Variants in STK32C observed in about 807,000 individuals in gnomAD.
STK32C encodes the protein serine/threonine-protein kinase 32C.
A neutral mutation model predicts 56.5 loss-of-function variants in STK32C; 31 were observed. That is an observed-to-expected ratio of 0.55 (90% CI 0.41 to 0.74). The LOEUF (loss-of-function observed/expected upper bound fraction) is 0.74, where lower values mean the gene tolerates loss of function less well. Ranked by LOEUF, STK32C falls within the 30% of genes least tolerant of loss-of-function variation. STK32C has a pLI of 0.00. For missense variants in STK32C, 544 were observed against 676.9 expected (o/e 0.80, Z 2.18); for synonymous variants, 309 against 289.4 (o/e 1.07, Z -0.69).
At chr10:132,226,532 C>G (rs1184749670) in intron 4 of STK32C, among the ~76,000 whole-genome samples, 1 of 152,174 alleles carries the variant, frequency 6.6e-6, no homozygotes, top group Non-Finnish European at 1.5e-5. Flanking sequence ...GTGGTCTGTC[C>G]ACCAGGGCTA....
At chr10:132,276,295 G>A (rs963690556) in intron 1 of STK32C, among the ~76,000 whole-genome samples, 5 of 152,284 alleles carry the variant, frequency 3.3e-5, no homozygotes, top group Admixed American at 6.5e-5. Flanking sequence ...GTCTGGGATC[G>A]GCTGGCATCA....
intron 10 of STK32C, among the ~76,000 whole-genome samples, chr10:132,215,047 GTC>G (rs1217677068): frequency 1.3e-5 from 2 of 152,304 alleles, no homozygotes; most frequent in East Asian, 3.9e-4. Flanking sequence ...AAGACAGCGT[GTC>G]TCTCTGTTAC....
intron 1 of STK32C, among the ~76,000 whole-genome samples, chr10:132,249,940 C>T (rs374539265): frequency 2.2e-4 from 33 of 152,358 alleles, no homozygotes; most frequent in African/African-American, 7.5e-4. Context: ...CATTCCAGCA[C>T]TCAGCGGAGG....
At chr10:132,222,548 C>T (rs945478290) in intron 10 of STK32C, 93 bp downstream of exon 10, 26 of 1,482,226 alleles carry the variant, frequency 1.8e-5, no homozygotes, top group Non-Finnish European at 2.1e-5. Flanking sequence ...GAGACGTGTG[C>T]GCTGCCAGGG....
In STK32C at chr10:132,255,975, CG is replaced by C. The variant is rs2064107650; in HGVS notation, c.263-10021del. Among the ~76,000 whole-genome samples the C allele has an allele frequency of 6.6e-6, 1 of 152,220 alleles. No homozygotes were observed. Among genetic ancestry groups the C allele is most frequent in the Non-Finnish European group, 1.5e-5 (1 of 68,030 alleles). On this transcript the variant is annotated intron_variant, in intron 1 of 11. Coordinates refer to ENST00000298630, the MANE Select transcript of STK32C (RefSeq NM_173575.4). This position sits in a 1 kb window ranked among gnomAD's most constrained non-coding sequence, Gnocchi z 4.6. ...CCCTGGTGTCCAGCTTGGACTCGCC[CG>C]GGTGGCTTGGCGGCTTCCCGGCATC...
At chr10:132,237,053 C>A (rs1424116099) in intron 2 of STK32C, among the ~76,000 whole-genome samples, 1 of 152,242 alleles carries the variant, frequency 6.6e-6, no homozygotes, top group Non-Finnish European at 1.5e-5. Context: ...CTCAGGGACC[C>A]ACACGGGTGG....
At chr10:132,225,168 A>G in intron 7 of STK32C, 65 bp downstream of exon 7, 1 of 1,368,974 alleles carries the variant, frequency 7.3e-7, no homozygotes, top group Non-Finnish European at 1.0e-6. Context: ...CCCCCTCCCC[A>G]GCACTGGTGG....
At chr10:132,256,989 A>G (rs141038970) in intron 1 of STK32C, among the ~76,000 whole-genome samples, 2 of 152,286 alleles carry the variant, frequency 1.3e-5, no homozygotes, top group African/African-American at 4.8e-5. Context: ...GCCCAGTGGG[A>G]TCCCAGGGCT....
At chr10:132,310,109 G>A (rs1004866819), upstream of STK32C, among the ~76,000 whole-genome samples, 1 of 152,216 alleles carries the variant, frequency 6.6e-6, no homozygotes, top group African/African-American at 2.4e-5. The surrounding 1 kb of genome is among the most constrained non-coding windows in gnomAD (Gnocchi z 4.6). Context: ...TTGACCTAGG[G>A]ATACCAAGTC....
rs1339484311 is a variant in STK32C, at chr10:132,207,850, C to T, written c.*160G>A. 5.7e-6 allele frequency: 5 copies of T among 884,732 alleles called. No individual in the cohort carries two copies. Among genetic ancestry groups the T allele is most frequent in the East Asian group, 6.6e-5 (2 of 30,148 alleles). The allele number at this position is 884,732 out of a possible 1,614,324, so 54.8% of individuals were successfully genotyped here. A position where few individuals can be genotyped will look rare whatever the true frequency, so the allele number is the denominator to read the frequency against. On this transcript the variant is annotated 3_prime_UTR_variant, in exon 12 of 12. Transcript: ENST00000298630. Reference sequence around the variant, plus strand: ...TGCACCCACAGCCTCTTGTCCCCTGCACCACCACGAGCCTGAGGTGTGAAA... The same window carrying T: ...TGCACCCACAGCCTCTTGTCCCCTGTACCACCACGAGCCTGAGGTGTGAAA...
intron 1 of STK32C, among the ~76,000 whole-genome samples, chr10:132,267,021 GC>G (rs1241385714): frequency 1.3e-5 from 2 of 152,164 alleles, no homozygotes; most frequent in Non-Finnish European, 2.9e-5. Context: ...TGAGCGGGCA[GC>G]CCCCGCCCAC....
intron 1 of STK32C, among the ~76,000 whole-genome samples, chr10:132,292,783 C>T (rs1293339194): frequency 6.6e-6 from 1 of 152,034 alleles, no homozygotes; most frequent in Non-Finnish European, 1.5e-5. Context: ...TGACACCATC[C>T]CCTGGAGCTC....
chr10:132,211,901 G>A (rs971676837), intron 10 of STK32C, among the ~76,000 whole-genome samples: 3 of 152,046 alleles, frequency 2.0e-5, no homozygotes, highest in Non-Finnish European at 4.4e-5. Context: ...CGAGAAGGGC[G>A]GGGGTCTCTC....
intron 10 of STK32C, among the ~76,000 whole-genome samples, chr10:132,221,886 TATCA>T (rs2062678272): frequency 1.2e-5 from 1 of 85,378 alleles, no homozygotes; most frequent in Admixed American, 1.2e-4. Context: ...ACACAACTAA[TATCA>T]ACGCACCTGG....
intron 1 of STK32C, among the ~76,000 whole-genome samples, chr10:132,293,129 G>A (rs572074829): frequency 6.6e-6 from 1 of 152,376 alleles, no homozygotes; most frequent in South Asian, 2.1e-4. Flanking sequence ...CATGCGTGCG[G>A]GGAGGGCAGC....
intron 1 of STK32C, among the ~76,000 whole-genome samples, chr10:132,295,014 G>C (rs566371994): frequency 2.6e-5 from 4 of 152,178 alleles, no homozygotes; most frequent in Non-Finnish European, 5.9e-5. Flanking sequence ...TGCCCCTCTC[G>C]GTGTGGACTG....
chr10:132,236,207 G>C (rs2063286553), intron 2 of STK32C, among the ~76,000 whole-genome samples: 1 of 152,234 alleles, frequency 6.6e-6, no homozygotes, highest in South Asian at 2.1e-4. Flanking sequence ...CCCTTCCCCA[G>C]GTGGCAGAGC....
chr10:132,310,376 G>A (rs963683352), upstream of STK32C, among the ~76,000 whole-genome samples: 3 of 152,342 alleles, frequency 2.0e-5, no homozygotes, highest in East Asian at 3.9e-4. This position sits in a 1 kb window ranked among gnomAD's most constrained non-coding sequence, Gnocchi z 4.6. Flanking sequence ...CTGTCCAGGT[G>A]CAACTCTTGT....
chr10:132,276,968 C>T (rs2065013883), intron 1 of STK32C, among the ~76,000 whole-genome samples: 3 of 152,358 alleles, frequency 2.0e-5, no homozygotes, highest in Admixed American at 1.3e-4. Context: ...CCCAGCCTCC[C>T]CTCCTCCATT....
Sources: allele counts gnomAD v4.1 joint callset (sites outside exome capture counted in the v4.1 genomes callset), GRCh38; gene constraint gnomAD v4.1.1; non-coding constraint Gnocchi (gnomAD v3.1); transcripts MANE v1.5; gene names NCBI Gene and HGNC (gene_info 2026-07-23, HGNC 2026-07-21).